SNX11: variants seen among roughly 807,000 people sequenced by gnomAD.
The protein encoded by SNX11 is sorting nexin 11.
A neutral mutation model predicts 30.7 loss-of-function variants in SNX11; 19 were observed. The observed-to-expected ratio is 0.62, with a 90% confidence interval of 0.43 to 0.91. The LOEUF (loss-of-function observed/expected upper bound fraction) is 0.91. SNX11 is among the 40% of genes least tolerant of loss of function. The pLI is 0.00. For synonymous variants in SNX11, 112 were observed against 119.0 expected (o/e 0.94, Z 0.38); for missense variants, 302 against 326.7 (o/e 0.92, Z 0.58).
At chr17:48,120,028 A>G (rs1158101754) in intron 6 of SNX11, among the ~76,000 whole-genome samples, 1 of 151,982 alleles carries the variant, frequency 6.6e-6, no homozygotes, top group Non-Finnish European at 1.5e-5. Context: ...GGTCTTTTGT[A>G]ACTGGCTTTT....
chr17:48,109,758 A>G (rs1448938222), intron 1 of SNX11, among the ~76,000 whole-genome samples: 3 of 151,732 alleles, frequency 2.0e-5, no homozygotes, highest in East Asian at 1.9e-4. Context: ...TTTTATTTTT[A>G]GTAGAGACGG....
chr17:48,121,222 C>T lies in SNX11; in HGVS notation c.540-13C>T. ...GTTCATACCTTTCTTTTCCCTTTCC[C>T]ACTCTTTTCCAGTTGCTGCTTTCTT... On this transcript the variant is annotated splice_polypyrimidine_tract_variant and intron_variant, in intron 6 of 6. Transcript: ENST00000359238. 1 of 1,613,568 alleles carries T rather than the reference C, an allele frequency of 6.2e-7. No individual in the cohort carries two copies. Among genetic ancestry groups the T allele is most frequent in the African/African-American group, 1.3e-5 (1 of 74,992 alleles).
chr17:48,113,040 G>A (rs2063507060), intron 3 of SNX11, among the ~76,000 whole-genome samples: 1 of 152,122 alleles, frequency 6.6e-6, no homozygotes, highest in South Asian at 2.1e-4. Context: ...GCAGGTCAAG[G>A]TGTAACCTAT....
At chr17:48,117,791 C>T (rs1255191116) in intron 4 of SNX11, among the ~76,000 whole-genome samples, 2 of 151,992 alleles carry the variant, frequency 1.3e-5, no homozygotes, top group South Asian at 2.1e-4. Flanking sequence ...TCACTTGAGG[C>T]CAGGAGTTTG....
At chr17:48,115,064 CTT>C (rs1239738711) in intron 4 of SNX11, among the ~76,000 whole-genome samples, 11 of 123,134 alleles carry the variant, frequency 8.9e-5, no homozygotes, top group Non-Finnish European at 1.8e-4. Context: ...CGCCTTTTTT[CTT>C]TTTTTTTTTT....
At chr17:48,117,331 T>G (rs972845294) in intron 4 of SNX11, among the ~76,000 whole-genome samples, 1 of 151,140 alleles carries the variant, frequency 6.6e-6, no homozygotes, top group African/African-American at 2.4e-5. Context: ...CTCAGCTCAC[T>G]GCAAGCTCCG....
intron 3 of SNX11, 51 bp downstream of exon 3, chr17:48,112,711 G>T: frequency 8.2e-7 from 1 of 1,217,740 alleles, no homozygotes; most frequent in Admixed American, 2.0e-5. Context: ...AGGGCTGAGG[G>T]GCTTGTACTG....
At chr17:48,109,689 T>G (rs1463227488) in intron 1 of SNX11, among the ~76,000 whole-genome samples, 1 of 152,022 alleles carries the variant, frequency 6.6e-6, no homozygotes. Context: ...GTGATTCTCC[T>G]GCTTCAGTCT....
At chr17:48,114,193 G>A (rs2063520284) in intron 4 of SNX11, among the ~76,000 whole-genome samples, 2 of 138,672 alleles carry the variant, frequency 1.4e-5, no homozygotes, top group Admixed American at 1.5e-4. Flanking sequence ...TTGAGACTGA[G>A]TTTTGCTCTT....
At chr17:48,109,121 C>T (rs539083392) in intron 1 of SNX11, among the ~76,000 whole-genome samples, 5 of 136,870 alleles carry the variant, frequency 3.7e-5, no homozygotes, top group African/African-American at 8.2e-5. Context: ...TTAGTAGAGA[C>T]GAAGTTTTGC....
chr17:48,120,658 G>A (rs995426687), intron 6 of SNX11, among the ~76,000 whole-genome samples: 4 of 151,368 alleles, frequency 2.6e-5, no homozygotes, highest in South Asian at 2.1e-4. Context: ...ACAGGCGCCC[G>A]CCACCATGCC....
intron 4 of SNX11, among the ~76,000 whole-genome samples, chr17:48,116,575 C>CT (rs77655481): frequency 1.5e-3 from 206 of 140,212 alleles, no homozygotes; most frequent in Non-Finnish European, 2.0e-3. Flanking sequence ...TTCTTTTTTC[C>CT]TTTTTTTTTT....
In SNX11 at chr17:48,118,769, G is replaced by A. The variant is rs756740417; in HGVS notation, c.296G>A (p.Arg99Gln). 5 of 1,614,050 alleles carry A rather than the reference G, an allele frequency of 3.1e-6. No homozygotes were observed. The highest frequency in any genetic ancestry group is 1.7e-4 in the Middle Eastern group (1 of 6,060). The change falls in exon 5 of 7, where the codon CGA becomes CAA. Residue 99 changes from arginine to glutamine, a missense_variant. Transcript: ENST00000359238. ...ACCTCAGATGAGTTCATTGAGAAGC[G>A]ACGACAAGGTCTGCAGCACTTCCTT... ...FGTSDEFIEK[R>Q]RQGLQHFLEK... is the part of the protein sequence containing the mutation.
rs199707686 is a variant in SNX11 at position 48,119,192 on chromosome 17, T to G, written c.539+6T>G. Reference sequence around the variant, plus strand: ...AAAGGAGACCAGCCTAAGAGGTAACTGGAGTACTCTTTGAGATAGCAGGGG... The same window carrying G: ...AAAGGAGACCAGCCTAAGAGGTAACGGGAGTACTCTTTGAGATAGCAGGGG... On this transcript the variant is annotated splice_donor_region_variant and intron_variant, in intron 6 of 6. Transcript: ENST00000359238. The G allele has an allele frequency of 1.9e-5, 31 of 1,607,644 alleles. No homozygotes were observed. Among genetic ancestry groups the G allele is most frequent in the Non-Finnish European group, 2.6e-5 (30 of 1,174,716 alleles).
At chr17:48,114,019 C>T (rs1265999805) in intron 4 of SNX11, among the ~76,000 whole-genome samples, 1 of 151,736 alleles carries the variant, frequency 6.6e-6, no homozygotes, top group Non-Finnish European at 1.5e-5. Flanking sequence ...CTATGCCTGC[C>T]TAATTTTTGT....
chr17:48,112,132 G>A, intron 2 of SNX11, 47 bp downstream of exon 2: 2 of 1,515,486 alleles, frequency 1.3e-6, no homozygotes, highest in East Asian at 2.3e-5. Context: ...GTTGGAGAGG[G>A]GATTTAGGAG....
intron 1 of SNX11, among the ~76,000 whole-genome samples, chr17:48,109,349 T>C (rs1054364268): frequency 6.7e-6 from 1 of 148,348 alleles, no homozygotes; most frequent in African/African-American, 2.5e-5. Context: ...AACCTCCACC[T>C]CCTGGGTTCA....
Position 48,121,654 on chromosome 17 carries a change from G to A in SNX11, c.*146G>A. Reference sequence around the variant, plus strand: ...TGCTTGGGCTGATTGACAGAGGTCAGTCATTACAGCCCCTTATGCCTCTTC... The same window carrying A: ...TGCTTGGGCTGATTGACAGAGGTCAATCATTACAGCCCCTTATGCCTCTTC... On this transcript the variant is annotated 3_prime_UTR_variant, in exon 7 of 7. Transcript: ENST00000359238. 2.6e-6 allele frequency: 2 copies of A among 765,080 alleles called. No individual in the cohort carries two copies. Among genetic ancestry groups the A allele is most frequent in the East Asian group, 2.5e-5 (1 of 39,482 alleles). The allele number at this position is 765,080 out of a possible 1,614,324, so 47.4% of individuals were successfully genotyped here. A position where few individuals can be genotyped will look rare whatever the true frequency, so the allele number is the denominator to read the frequency against.
In SNX11 at chr17:48,121,499, G is replaced by A; in HGVS notation, c.804G>A (p.Leu268=). The A allele has an allele frequency of 1.2e-6, 2 of 1,613,418 alleles. No individual in the cohort carries two copies. Among genetic ancestry groups the A allele is most frequent in the Non-Finnish European group, 1.7e-6 (2 of 1,179,946 alleles). The change falls in exon 7 of 7, where the codon TTG becomes TTA. Residue 268 remains leucine (L), a synonymous_variant. Coordinates refer to ENST00000359238, the MANE Select transcript of SNX11 (RefSeq NM_013323.3). ...PLDPGQLETV[L]EK Reference sequence around the variant, plus strand: ...ACCCTGGTCAGTTAGAAACAGTTTTGGAAAAGTGAGCTCTGGGTTCTGCTC... The same window carrying A: ...ACCCTGGTCAGTTAGAAACAGTTTTAGAAAAGTGAGCTCTGGGTTCTGCTC...
Sources: gnomAD v4.1 joint callset for allele counts (sites outside exome capture counted in the v4.1 genomes callset) on GRCh38, gnomAD v4.1.1 for gene constraint, MANE v1.5 for transcripts, NCBI Gene and HGNC (gene_info 2026-07-23, HGNC 2026-07-21) for gene names.